The following TBX15 variants were observed in gnomAD, a reference collection of about 807,000 sequenced individuals.
The protein encoded by TBX15 is T-box transcription factor TBX15.
In TBX15, 18 loss-of-function variants were observed where a neutral mutation model predicts 53.9. That is an observed-to-expected ratio of 0.33 (90% CI 0.23 to 0.49). The LOEUF is 0.49. TBX15 is among the 20% of genes least tolerant of loss of function. The probability of loss-of-function intolerance (pLI) is 0.98; values close to 1 mark genes in which losing one functional copy is unlikely to be tolerated. For synonymous variants in TBX15, 295 were observed against 278.0 expected, an observed-to-expected ratio of 1.06 and a Z score of -0.61; for missense variants, 692 against 749.5, an observed-to-expected ratio of 0.92 and a Z score of 0.90.
intron 2 of TBX15, among the ~76,000 whole-genome samples, chr1:118,928,561 A>G (rs1655674450): frequency 6.6e-6 from 1 of 152,250 alleles, no homozygotes; most frequent in African/African-American, 2.4e-5. Context: ...ACACTGATTT[A>G]TAGCTTCCCT....
chr1:118,970,752 C>A (rs1657210965), intron 1 of TBX15, among the ~76,000 whole-genome samples: 1 of 152,104 alleles, frequency 6.6e-6, no homozygotes, highest in Non-Finnish European at 1.5e-5. Flanking sequence ...TATTTCTCAC[C>A]CCTCCATTTG....
intron 1 of TBX15, among the ~76,000 whole-genome samples, chr1:118,976,299 CTTG>C (rs1003609221): frequency 2.0e-5 from 3 of 151,990 alleles, no homozygotes; most frequent in South Asian, 2.1e-4. Context: ...TTCTTTTATT[CTTG>C]TTGTTGTTGT....
intron 7 of TBX15, among the ~76,000 whole-genome samples, chr1:118,892,970 T>C (rs781296025): frequency 2.4e-4 from 37 of 152,064 alleles, no homozygotes; most frequent in Non-Finnish European, 4.9e-4. Context: ...TGGTGACTCA[T>C]GCCTGTAATC....
intron 1 of TBX15, among the ~76,000 whole-genome samples, chr1:118,937,320 A>G (rs1433809419): frequency 2.0e-5 from 3 of 152,198 alleles, no homozygotes; most frequent in East Asian, 3.8e-4. Flanking sequence ...ATGACTACAT[A>G]TTGAACATTT....
chr1:118,893,521 A>AGAAAGAAAGAAG (rs1654273710), intron 7 of TBX15, among the ~76,000 whole-genome samples: 1 of 130,996 alleles, frequency 7.6e-6, no homozygotes. Context: ...AAAGAAAGAA[A>AGAAAGAAAGAAG]GAAAGAAGGA....
upstream of TBX15, among the ~76,000 whole-genome samples, chr1:118,988,900 A>G (rs1162552715): frequency 6.6e-6 from 1 of 152,262 alleles, no homozygotes; most frequent in African/African-American, 2.4e-5. Context: ...GTTACTAACC[A>G]GGGTCTTGTA....
At chr1:118,985,873 A>G (rs1657814166) in intron 1 of TBX15, among the ~76,000 whole-genome samples, 1 of 152,208 alleles carries the variant, frequency 6.6e-6, no homozygotes, top group Non-Finnish European at 1.5e-5. Flanking sequence ...TTTTTGCCTC[A>G]TTCCCTAAGT....
chr1:118,974,280 G>A (rs1571216558), intron 1 of TBX15, among the ~76,000 whole-genome samples: 1 of 152,308 alleles, frequency 6.6e-6, no homozygotes, highest in Non-Finnish European at 1.5e-5. Flanking sequence ...GCATAGAGTG[G>A]TGCTGGCAAC....
chr1:118,960,436 A>G (rs1571207167), intron 1 of TBX15, among the ~76,000 whole-genome samples: 1 of 152,124 alleles, frequency 6.6e-6, no homozygotes, highest in Non-Finnish European at 1.5e-5. Flanking sequence ...TAACCTTTGA[A>G]GCGAATGGCT....
intron 6 of TBX15, among the ~76,000 whole-genome samples, chr1:118,910,680 G>C (rs1655001160): frequency 6.6e-6 from 1 of 152,160 alleles, no homozygotes; most frequent in African/African-American, 2.4e-5. Flanking sequence ...AAATACAAGG[G>C]TCCCCTTACT....
At chr1:118,898,745 C>T (rs142036497) in intron 7 of TBX15, among the ~76,000 whole-genome samples, 181 of 152,242 alleles carry the variant, frequency 1.2e-3, no homozygotes, top group Admixed American at 8.0e-3. Context: ...TATGTGAATG[C>T]TTAGCAATAT....
At chr1:118,956,628 G>C (rs533650002) in intron 1 of TBX15, among the ~76,000 whole-genome samples, 2 of 152,246 alleles carry the variant, frequency 1.3e-5, no homozygotes, top group African/African-American at 4.8e-5. Context: ...CATCATCAGA[G>C]AGCTGAAAGA....
At chr1:118,890,715 T>C (rs932335676) in intron 7 of TBX15, among the ~76,000 whole-genome samples, 3 of 152,200 alleles carry the variant, frequency 2.0e-5, no homozygotes, top group Admixed American at 1.3e-4. Flanking sequence ...ATCTCTAAAT[T>C]GATCATTTCC....
chr1:118,899,189 G>T, intron 6 of TBX15, 64 bp from the exon 7 acceptor site: 1 of 1,430,254 alleles, frequency 7.0e-7, no homozygotes. Flanking sequence ...TGACTTTTCA[G>T]AGATCCAGAG....
At position 118,987,901 on chromosome 1, in the gene TBX15, C is replaced by A. The variant is rs1454156092; in HGVS notation, c.-106G>T. ...GGGCCCGGCCCGGGAGAGGCGGAGG[C>A]GCGTCGGACGAGGCTGAGACTGCGG... On this transcript the variant is annotated 5_prime_UTR_variant, in exon 1 of 8. Transcript: ENST00000369429. 7.1e-7 allele frequency: 1 copy of A among 1,400,208 alleles called. No homozygotes were observed. The highest frequency in any genetic ancestry group is 9.6e-7 in the Non-Finnish European group (1 of 1,036,864). The allele number at this position is 1,400,208 out of a possible 1,614,324, so 86.7% of individuals were successfully genotyped here.
intron 2 of TBX15, among the ~76,000 whole-genome samples, chr1:118,927,713 T>C (rs2101603479): frequency 6.6e-6 from 1 of 152,290 alleles, no homozygotes; most frequent in Non-Finnish European, 1.5e-5. Flanking sequence ...TCTCTCATAA[T>C]TGAAGAGAGG....
intron 1 of TBX15, among the ~76,000 whole-genome samples, chr1:118,952,552 CT>C (rs1223197732): frequency 1.3e-5 from 2 of 152,134 alleles, no homozygotes. Flanking sequence ...CTTATGCCCT[CT>C]TTTTTTATAA....
In TBX15 at chr1:118,923,431, C is replaced by G; in HGVS notation, c.861+5G>C. ...AGCAGAAGACTCTCAAGGGCCACCT[C>G]TTACCTGCTGATTCTGATAGGCCGT... On this transcript the variant is annotated splice_donor_5th_base_variant and intron_variant, in intron 5 of 7. Coordinates refer to ENST00000369429, the MANE Select transcript of TBX15 (RefSeq NM_001330677.2). 2 of 1,613,796 alleles carry G rather than the reference C, an allele frequency of 1.2e-6. No homozygotes were observed. The highest frequency in any genetic ancestry group is 2.2e-5 in the South Asian group (2 of 91,064).
chr1:118,984,863 G>C (rs1657777317), intron 1 of TBX15, among the ~76,000 whole-genome samples: 1 of 152,180 alleles, frequency 6.6e-6, no homozygotes, highest in Non-Finnish European at 1.5e-5. Flanking sequence ...CGTTGCTGCA[G>C]GTTGGTGCCC....
Sources: allele counts gnomAD v4.1 joint callset (sites outside exome capture counted in the v4.1 genomes callset), GRCh38; gene constraint gnomAD v4.1.1; transcripts MANE v1.5; gene names NCBI Gene and HGNC (gene_info 2026-07-23, HGNC 2026-07-21).